Variants in ANKRD35 observed in about 807,000 individuals in gnomAD.
ANKRD35 encodes ankyrin repeat domain 35.
A neutral mutation model predicts 109.9 loss-of-function variants in ANKRD35; 102 were observed. The ratio of observed to expected loss-of-function variants is 0.93; its 90% CI spans 0.79 to 1.09. The LOEUF (loss-of-function observed/expected upper bound fraction) is 1.09. Ranked by LOEUF, ANKRD35 falls within the 50% of genes least tolerant of loss-of-function variation. The probability of loss-of-function intolerance (pLI) is 0.00; values close to 1 mark genes in which losing one functional copy is unlikely to be tolerated. For missense variants in ANKRD35, 1,240 were observed against 1,230.1 expected (o/e 1.01, Z -0.12); for synonymous variants, 515 against 512.4 (o/e 1.01, Z -0.07).
In ANKRD35 at chr1:145,872,264, G is replaced by C. The variant is rs782463419; in HGVS notation, c.2505C>G (p.His835Gln). 6.2e-7 allele frequency: 1 copy of C among 1,611,702 alleles called. No individual in the cohort carries two copies. Among genetic ancestry groups the C allele is most frequent in the African/African-American group, 1.3e-5 (1 of 74,926 alleles). ...RAREAASLRQ[H>Q]EKTRGSLVAQ... ...CCACCAGCGAACCCCGAGTTTTCTC[G>C]TGTTGCCGTAGGCTGGCTGCCTCCC... The change falls in exon 10 of 14, where the codon CAC becomes CAG. Residue 835 changes from histidine to glutamine, a missense_variant. Physicochemically the swap from His to Gln is conservative, Grantham distance 24 (BLOSUM62 0). Transcript: ENST00000355594.
At chr1:145,869,684 G>T (rs1350906954) in intron 10 of ANKRD35, among the ~76,000 whole-genome samples, 1 of 152,002 alleles carries the variant, frequency 6.6e-6, no homozygotes, top group Non-Finnish European at 1.5e-5. Context: ...GTCCAGGCTG[G>T]TCTCAAACTC....
chr1:145,882,462 A>ATTTTTTTTTTTTTTT lies in ANKRD35; in HGVS notation c.40-3075_40-3074insAAAAAAAAAAAAAAA, dbSNP rs781961496. On this transcript the variant is annotated intron_variant, in intron 1 of 13. Coordinates refer to ENST00000355594, the MANE Select transcript of ANKRD35 (RefSeq NM_144698.5). ...AGGCATGCTCTACCACACCCAGGTA[A>ATTTTTTTTTTTTTTT]TTTTTTTTTTTAGAGATGAGGTATC... Among the ~76,000 whole-genome samples the ATTTTTTTTTTTTTTT allele has an allele frequency of 4.5e-4, 63 of 140,274 alleles. 1 individual carries two copies. The highest frequency in any genetic ancestry group is 1.7e-3 in the African/African-American group (61 of 36,944). 92.0% of individuals were successfully genotyped at this position (140,274 alleles called of 152,430 possible).
rs1653860671 is a variant in ANKRD35, at chr1:145,872,341, G to T, written c.2428C>A (p.Leu810Met). 2 of 1,612,950 alleles carry T rather than the reference G, an allele frequency of 1.2e-6. No individual in the cohort carries two copies. The highest frequency in any genetic ancestry group is 8.5e-7 in the Non-Finnish European group (1 of 1,179,488). The change falls in exon 10 of 14, where the codon CTG (leucine) becomes ATG (methionine). Residue 810 changes from leucine to methionine, a missense_variant. Physicochemically the swap from Leu to Met is conservative, Grantham distance 15 (BLOSUM62 2). Coordinates refer to ENST00000355594, the MANE Select transcript of ANKRD35 (RefSeq NM_144698.5). ...GTGGCTTGGTAGAGCAGCTGCTTCA[G>T]CTTTCCGATCTCCTGGCTCTTCCCG... ...MSGKSQEIGK[L>M]KQLLYQATEE...
intron 4 of ANKRD35, 74 bp downstream of exon 4, chr1:145,877,894 G>T: frequency 1.4e-6 from 2 of 1,435,964 alleles, no homozygotes; most frequent in Non-Finnish European, 2.0e-6. Context: ...TTCCTTTTAA[G>T]TATGAAATGA....
chr1:145,869,877 C>A (rs1200228452), intron 10 of ANKRD35, among the ~76,000 whole-genome samples: 1 of 152,190 alleles, frequency 6.6e-6, no homozygotes, highest in Non-Finnish European at 1.5e-5. Flanking sequence ...ACCACAATCT[C>A]TTTGACTCCT....
intron 10 of ANKRD35, among the ~76,000 whole-genome samples, chr1:145,869,381 T>A (rs1427561182): frequency 6.6e-6 from 1 of 151,988 alleles, no homozygotes; most frequent in Non-Finnish European, 1.5e-5. Context: ...GGGGTTTCAC[T>A]ACGTTGGCCA....
intron 1 of ANKRD35, among the ~76,000 whole-genome samples, chr1:145,884,528 C>T (rs587685745): frequency 1.1e-4 from 16 of 152,322 alleles, no homozygotes; most frequent in African/African-American, 3.6e-4. Context: ...TTAGCCGTAA[C>T]CCCAACCTCT....
rs781990529 is a variant in ANKRD35 at position 145,873,667 on chromosome 1, C to T, written c.1102G>A (p.Gly368Ser). The T allele has an allele frequency of 6.2e-7, 1 of 1,614,162 alleles. No individual in the cohort carries two copies. Among genetic ancestry groups the T allele is most frequent in the East Asian group, 2.2e-5 (1 of 44,882 alleles). ...TCCTTAGGACAACCCTGCTCCATGC[C>T]ATCCCCTCCAGGCCGGAGACTAGAG... is the stretch of plus-strand genomic sequence containing the variant. The part of the protein sequence containing the change: ...QGSSLRPGGD[G>S]MEQGCPKDLL... Residue 368 changes from glycine to serine, a missense_variant, in exon 10 of 14, where the codon GGC becomes AGC. Physicochemically the swap from Gly to Ser is moderately conservative, Grantham distance 56. Coordinates refer to ENST00000355594, the MANE Select transcript of ANKRD35 (RefSeq NM_144698.5).
At position 145,871,166 on chromosome 1, in the gene ANKRD35, T is replaced by C. The variant is rs1273993627; in HGVS notation, c.2787+816A>G. ...CTTTTCTTTTTTCTTTTTTTTTTTT[T>C]TTTTTTTTTTTTTTTGAGACAGAGT... On this transcript the variant is annotated intron_variant, in intron 10 of 13. Coordinates refer to ENST00000355594, the MANE Select transcript of ANKRD35 (RefSeq NM_144698.5). 2.0e-4 allele frequency among the ~76,000 whole-genome samples: 24 copies of C among 120,644 alleles called. 1 individual carries two copies. The highest frequency in any genetic ancestry group is 2.3e-4 in the East Asian group (1 of 4,282). The allele number at this position is 120,644 out of a possible 152,430, so 79.1% of individuals were successfully genotyped here.
rs933286697 is a variant in ANKRD35, at chr1:145,866,588, T to C, written c.*221A>G. On this transcript the variant is annotated 3_prime_UTR_variant, in exon 14 of 14. Transcript: ENST00000355594. ...GTCCTGCCTCATGCTTTATTTTCCA[T>C]AGAGCTTGTTTCCATCCATACCTCC... The C allele has an allele frequency of 6.6e-5, 10 of 152,142 alleles. No homozygotes were observed. Among genetic ancestry groups the C allele is most frequent in the African/African-American group, 2.2e-4 (9 of 41,396 alleles). 9.4% of individuals were successfully genotyped at this position (152,142 alleles called of 1,614,324 possible).
In ANKRD35 at chr1:145,874,907, A is replaced by G. The variant is rs782626190; in HGVS notation, c.660T>C (p.His220=). ...TGTGCAGAGCATAGTGCAGAGCATC[A>G]TGCCCTGTGCTGTCCACAGCCCCCG... is the stretch of plus-strand genomic sequence containing the variant. The part of the protein sequence containing the change: ...ADAGAVDSTG[H]DALHYALHTQ... Residue 220 remains histidine, a synonymous_variant, in exon 8 of 14, where the codon CAT becomes CAC. Transcript: ENST00000355594. 3 of 1,613,886 alleles carry G rather than the reference A, an allele frequency of 1.9e-6. No homozygotes were observed. Among genetic ancestry groups the G allele is most frequent in the Non-Finnish European group, 2.5e-6 (3 of 1,179,892 alleles).
In ANKRD35 at chr1:145,874,913, T is replaced by C. The variant is rs1465003690; in HGVS notation, c.654A>G (p.Thr218=). The change falls in exon 8 of 14, where the codon ACA becomes ACG. Residue 218 remains threonine, a synonymous_variant. Coordinates refer to ENST00000355594, the MANE Select transcript of ANKRD35 (RefSeq NM_144698.5). ...HGADAGAVDS[T]GHDALHYALH... ...GAGCATAGTGCAGAGCATCATGCCC[T>C]GTGCTGTCCACAGCCCCCGCGTCAG... 1 of 1,613,814 alleles carries C rather than the reference T, an allele frequency of 6.2e-7. No homozygotes were observed. Among genetic ancestry groups the C allele is most frequent in the Admixed American group, 1.7e-5 (1 of 59,994 alleles).
intron 10 of ANKRD35, among the ~76,000 whole-genome samples, chr1:145,870,334 C>T (rs10910826): frequency 0.065 from 9,808 of 152,044 alleles, 1,061 homozygotes; most frequent in African/African-American, 0.22. Flanking sequence ...CCTCGTGATC[C>T]GCCTGCCTCA....
chr1:145,881,980 A>G (rs1570808609), intron 1 of ANKRD35, among the ~76,000 whole-genome samples: 1 of 121,034 alleles, frequency 8.3e-6, no homozygotes, highest in South Asian at 2.7e-4. Flanking sequence ...TTTGAGACAG[A>G]GTCTTGCTCT....
chr1:145,876,363 T>G (rs1654075062), intron 6 of ANKRD35, 117 bp from the exon 7 acceptor site: 1 of 1,159,374 alleles, frequency 8.6e-7, no homozygotes, highest in East Asian at 2.4e-5. Flanking sequence ...AGATCTTGGG[T>G]CTGAACACTC....
chr1:145,873,368 A>G lies in ANKRD35; in HGVS notation c.1401T>C (p.Ser467=), dbSNP rs781965234. The change falls in exon 10 of 14, where the codon AGT becomes AGC. Residue 467 remains serine (S), a synonymous_variant. Coordinates refer to ENST00000355594, the MANE Select transcript of ANKRD35 (RefSeq NM_144698.5). The part of the protein sequence containing the change: ...ADQLPAGQKE[S]SQVLGVEPGG... Reference sequence around the variant, plus strand: ...CTGGTTCAACTCCTAGAACCTGGGAACTCTCCTTCTGACCAGCAGGCAGCT... The same window carrying G: ...CTGGTTCAACTCCTAGAACCTGGGAGCTCTCCTTCTGACCAGCAGGCAGCT... 3.1e-6 allele frequency: 5 copies of G among 1,614,060 alleles called. No homozygotes were observed. The East Asian group carries it at 1.1e-4, about 36-fold the overall frequency.
intron 12 of ANKRD35, 70 bp from the exon 13 acceptor site, chr1:145,867,462 G>C: frequency 1.5e-6 from 2 of 1,346,188 alleles, no homozygotes; most frequent in African/African-American, 1.4e-5. Context: ...TGAGGGAGAG[G>C]TTCTGTGGTA....
In ANKRD35 at chr1:145,873,675, C is replaced by T. The variant is rs782319028; in HGVS notation, c.1094G>A (p.Gly365Glu). The T allele has an allele frequency of 5.0e-6, 8 of 1,614,166 alleles. No homozygotes were observed. Among genetic ancestry groups the T allele is most frequent in the Middle Eastern group, 1.6e-4 (1 of 6,062 alleles). ...SGKQGSSLRPGGDGMEQGCPK... is the reference protein window; with the variant it reads ...SGKQGSSLRPEGDGMEQGCPK... ...ACAACCCTGCTCCATGCCATCCCCTCCAGGCCGGAGACTAGAGCCTTGCTT... is the reference window on the plus strand; with the variant it reads ...ACAACCCTGCTCCATGCCATCCCCTTCAGGCCGGAGACTAGAGCCTTGCTT... Residue 365 changes from glycine to glutamate, a missense_variant, in exon 10 of 14, where the codon GGA becomes GAA. Transcript: ENST00000355594.
chr1:145,880,750 A>G (rs980733152), intron 1 of ANKRD35, among the ~76,000 whole-genome samples: 6 of 152,240 alleles, frequency 3.9e-5, no homozygotes, highest in African/African-American at 1.4e-4. Context: ...TTAATCAACC[A>G]CAGGAAAGCT....
Sources: gnomAD v4.1 joint callset for allele counts (sites outside exome capture counted in the v4.1 genomes callset) on GRCh38, gnomAD v4.1.1 for gene constraint, MANE v1.5 for transcripts, NCBI Gene and HGNC (gene_info 2026-07-23, HGNC 2026-07-21) for gene names.